The following SRBD1 variants were observed in gnomAD, a reference collection of about 807,000 sequenced individuals.
SRBD1 encodes the protein S1 RNA binding domain 1.
Under a neutral mutation model 115.3 loss-of-function variants are expected in SRBD1, and 88 were observed. That is an observed-to-expected ratio of 0.76 (90% CI 0.64 to 0.91). The LOEUF (loss-of-function observed/expected upper bound fraction) is 0.91. Among genes scored for constraint, SRBD1 ranks in the 40% least tolerant of loss-of-function variants. The pLI, the probability that SRBD1 is intolerant of heterozygous loss-of-function variation, is 0.00. For synonymous variants in SRBD1, 509 were observed against 407.7 expected, an observed-to-expected ratio of 1.25 and a Z score of -2.99; for missense variants, 1,385 against 1,177.4, an observed-to-expected ratio of 1.18 and a Z score of -2.58.
rs1572765276 is a variant in SRBD1 at position 45,551,254 on chromosome 2, C to T, written c.1546G>A (p.Glu516Lys). 9 of 1,605,202 alleles carry T rather than the reference C, an allele frequency of 5.6e-6. No individual in the cohort carries two copies. The highest frequency in any genetic ancestry group is 7.6e-6 in the Non-Finnish European group (9 of 1,178,242). The change falls in exon 12 of 21, where the codon GAA (glutamate) becomes AAA (lysine). Residue 516 changes from glutamate (E) to lysine (K), a missense_variant. Physicochemically the swap from Glu to Lys is moderately conservative, Grantham distance 56. Transcript: ENST00000263736. The stretch of plus-strand genomic sequence containing the variant: ...TTCCGTCCAAACATCATTACTGATT[C>T]CTTCTCTGCATCTGATGTTAGTTTG... The part of the protein sequence containing the change: ...RAKLTSDAEK[E>K]SVMMFGRNLR...
intron 9 of SRBD1, chr2:45,569,593 G>C (rs533081023): frequency 6.6e-6 from 1 of 152,144 alleles, no homozygotes; most frequent in South Asian, 2.1e-4. Flanking sequence ...ATGCAGATAG[G>C]AAGAAAAATA....
chr2:45,428,424 G>A (rs1045710103), intron 16 of SRBD1, among the ~76,000 whole-genome samples: 5 of 152,104 alleles, frequency 3.3e-5, no homozygotes, highest in Non-Finnish European at 7.4e-5. Flanking sequence ...GGTGGCAAGC[G>A]CCTGTAGTCC....
At chr2:45,508,836 G>A (rs1670874695) in intron 14 of SRBD1, among the ~76,000 whole-genome samples, 1 of 152,136 alleles carries the variant, frequency 6.6e-6, no homozygotes, top group Middle Eastern at 3.4e-3. Context: ...ATGTAAAAAT[G>A]ATTAAAGTCA....
intron 4 of SRBD1, among the ~76,000 whole-genome samples, chr2:45,587,003 T>A (rs1481782822): frequency 7.5e-6 from 1 of 132,986 alleles, no homozygotes; most frequent in Non-Finnish European, 1.6e-5. Flanking sequence ...AAATATTTAA[T>A]TATTTTAAAT....
At chr2:45,482,861 C>A (rs1244826963) in intron 15 of SRBD1, among the ~76,000 whole-genome samples, 1 of 151,916 alleles carries the variant, frequency 6.6e-6, no homozygotes, top group African/African-American at 2.4e-5. Context: ...ACATACCCTG[C>A]CATTTACTTT....
chr2:45,563,203 C>T (rs919590619), intron 9 of SRBD1, among the ~76,000 whole-genome samples: 1 of 152,118 alleles, frequency 6.6e-6, no homozygotes, highest in African/African-American at 2.4e-5. Flanking sequence ...TATCTAAGCA[C>T]TTTAAATATA....
chr2:45,471,493 T>A (rs1669645622), intron 16 of SRBD1, among the ~76,000 whole-genome samples: 1 of 152,178 alleles, frequency 6.6e-6, no homozygotes, highest in South Asian at 2.1e-4. Context: ...AACTTGTGTA[T>A]GAATCTTAAC....
intron 16 of SRBD1, among the ~76,000 whole-genome samples, chr2:45,462,665 CA>C (rs1036325854): frequency 5.5e-4 from 78 of 142,998 alleles, no homozygotes; most frequent in Middle Eastern, 7.1e-3. Flanking sequence ...AAAAAAAATA[CA>C]AAAAAAAAAA....
intron 9 of SRBD1, chr2:45,569,382 A>T (rs1340437014): frequency 6.6e-6 from 1 of 152,178 alleles, no homozygotes; most frequent in African/African-American, 2.4e-5. Flanking sequence ...ACTCAATGTG[A>T]ACACCCAATC....
At chr2:45,501,241 C>T (rs1016136904) in intron 14 of SRBD1, among the ~76,000 whole-genome samples, 21 of 152,170 alleles carry the variant, frequency 1.4e-4, no homozygotes. Context: ...TCACTTGAAA[C>T]ACAAAACTTT....
At chr2:45,562,530 C>A in intron 10 of SRBD1, 123 bp downstream of exon 10, 1 of 722,332 alleles carries the variant, frequency 1.4e-6, no homozygotes, top group African/African-American at 1.9e-5. Context: ...CCGCGCCCGG[C>A]CTGTCACTGG....
intron 15 of SRBD1, among the ~76,000 whole-genome samples, chr2:45,481,852 C>G (rs1669976166): frequency 6.6e-6 from 1 of 152,078 alleles, no homozygotes; most frequent in Non-Finnish European, 1.5e-5. Flanking sequence ...GTGAAAGAAG[C>G]CAGTCACAAA....
rs139765438 is a variant in SRBD1, at chr2:45,585,822, T to A, written c.649-48A>T. The A allele has an allele frequency of 3.0e-4, 426 of 1,424,284 alleles. 8 individuals are homozygous for A. In the South Asian group the frequency reaches 5.4e-3, roughly 18 times the overall value. The allele number at this position is 1,424,284 out of a possible 1,614,324, so 88.2% of individuals were successfully genotyped here. A position where few individuals can be genotyped will look rare whatever the true frequency, so the allele number is the denominator to read the frequency against. ...GATTTAAAATGCTGAAAATTAAACA[T>A]CTATATCATGTATAATTTAAAACAT... On this transcript the variant is annotated intron_variant, in intron 4 of 20. Transcript: ENST00000263736.
intron 4 of SRBD1, among the ~76,000 whole-genome samples, chr2:45,589,681 T>C (rs1673654328): frequency 6.6e-6 from 1 of 152,186 alleles, no homozygotes; most frequent in South Asian, 2.1e-4. Flanking sequence ...CTTATGCAAA[T>C]TTGATCCTTG....
At chr2:45,541,358 C>T (rs1170449439) in intron 14 of SRBD1, among the ~76,000 whole-genome samples, 1 of 152,246 alleles carries the variant, frequency 6.6e-6, no homozygotes, top group Non-Finnish European at 1.5e-5. Context: ...CAAAGGGCTG[C>T]AGCTCTTTTC....
At chr2:45,583,007 AGT>A (rs1673412988) in intron 5 of SRBD1, among the ~76,000 whole-genome samples, 2 of 152,206 alleles carry the variant, frequency 1.3e-5, no homozygotes, top group Non-Finnish European at 1.5e-5. Flanking sequence ...GGGTGGGCAC[AGT>A]AGTTCCCCCA....
At chr2:45,474,634 G>C (rs920127302) in intron 16 of SRBD1, among the ~76,000 whole-genome samples, 1 of 152,150 alleles carries the variant, frequency 6.6e-6, no homozygotes, top group South Asian at 2.1e-4. Context: ...ATTTGAATCT[G>C]ACTAGTTTGG....
chr2:45,476,129 G>T, intron 16 of SRBD1, among the ~76,000 whole-genome samples: 1 of 152,146 alleles, frequency 6.6e-6, no homozygotes, highest in East Asian at 1.9e-4. Flanking sequence ...CTATAAAATG[G>T]AAATATTCCC....
At chr2:45,592,251 T>A (rs561199142) in intron 4 of SRBD1, among the ~76,000 whole-genome samples, 1 of 152,074 alleles carries the variant, frequency 6.6e-6, no homozygotes, top group South Asian at 2.1e-4. Context: ...GTCAGCAGCA[T>A]GAAAACAGAC....
Sources: allele counts gnomAD v4.1 joint callset (sites outside exome capture counted in the v4.1 genomes callset), GRCh38; gene constraint gnomAD v4.1.1; transcripts MANE v1.5; gene names NCBI Gene and HGNC (gene_info 2026-07-23, HGNC 2026-07-21).